CLIP1: variants seen among roughly 807,000 people sequenced by gnomAD.
CLIP1 encodes CAP-Gly domain containing linker protein 1.
A neutral mutation model predicts 161.6 loss-of-function variants in CLIP1; 66 were observed. The observed-to-expected ratio is 0.41, with a 90% CI of 0.33 to 0.50. The LOEUF is 0.50. Among genes scored for constraint, CLIP1 ranks in the 20% least tolerant of loss-of-function variants. CLIP1 has a pLI of 0.27. For missense variants in CLIP1, 1,376 were observed against 1,702.0 expected, an observed-to-expected ratio of 0.81 and a Z score of 3.37; for synonymous variants, 598 against 626.2, an observed-to-expected ratio of 0.96 and a Z score of 0.67.
chr12:122,348,456 C>CTT (rs1593127113), intron 9 of CLIP1, among the ~76,000 whole-genome samples: 1 of 152,182 alleles, frequency 6.6e-6, no homozygotes, highest in East Asian at 1.9e-4. Flanking sequence ...AGTTTGAGCT[C>CTT]TCTCAAAAAG....
intron 15 of CLIP1, 30 bp from the exon 16 acceptor site, chr12:122,328,456 A>C: frequency 7.3e-7 from 1 of 1,377,408 alleles, no homozygotes; most frequent in Non-Finnish European, 9.8e-7. Flanking sequence ...AAGGTGTCAG[A>C]TTTTTCATAA....
intron 7 of CLIP1, among the ~76,000 whole-genome samples, chr12:122,353,050 A>C (rs1351945070): frequency 6.6e-6 from 1 of 151,994 alleles, no homozygotes; most frequent in African/African-American, 2.4e-5. Flanking sequence ...GCAGACAGCC[A>C]CCAGAAATGC....
chr12:122,278,095 A>T, intron 24 of CLIP1, 59 bp downstream of exon 24: 1 of 1,495,622 alleles, frequency 6.7e-7, no homozygotes. Flanking sequence ...AAATAAACGA[A>T]AAGATTCAAT....
intron 15 of CLIP1, among the ~76,000 whole-genome samples, chr12:122,331,091 C>T (rs1593085859): frequency 1.3e-5 from 2 of 151,024 alleles, no homozygotes; most frequent in Admixed American, 6.6e-5. Flanking sequence ...CTCAGCTCAC[C>T]GCAACCTCCA....
At chr12:122,341,762 CTTT>C (rs57202144) in intron 10 of CLIP1, 65 bp from the exon 11 acceptor site, 40 of 98,624 alleles carry the variant, frequency 4.1e-4, no homozygotes, top group East Asian at 5.2e-4. Context: ...ATTTTCTTTT[CTTT>C]TTTTTTTTTT....
intron 21 of CLIP1, among the ~76,000 whole-genome samples, chr12:122,287,582 C>T (rs149818155): frequency 2.0e-5 from 3 of 152,170 alleles, no homozygotes; most frequent in Non-Finnish European, 4.4e-5. Context: ...CCGTGTAGCA[C>T]AGACATTCTC....
chr12:122,302,737 C>T (rs1022370746), intron 20 of CLIP1, among the ~76,000 whole-genome samples: 2 of 152,116 alleles, frequency 1.3e-5, no homozygotes, highest in Non-Finnish European at 2.9e-5. Flanking sequence ...ACTGGGATTA[C>T]AGGCAGGCAC....
At chr12:122,346,498 T>TTTTTG (rs1049283133) in intron 10 of CLIP1, among the ~76,000 whole-genome samples, 1 of 152,094 alleles carries the variant, frequency 6.6e-6, no homozygotes, top group Admixed American at 6.5e-5. Flanking sequence ...ACTGAGGGTT[T>TTTTTG]TTTTGTTTTG....
Position 122,380,559 on chromosome 12 carries a change from C to A in CLIP1, c.-106-1G>T. The A allele has an allele frequency of 1.7e-6, 1 of 591,808 alleles. No homozygotes were observed. The highest frequency in any genetic ancestry group is 2.5e-5 in the South Asian group (1 of 39,714). 36.7% of individuals were successfully genotyped at this position (591,808 alleles called of 1,614,324 possible). ...AGTGAAGTCAGTCTCTGGATTAAAT[C>A]TGCAAAGAGAAAGAAATAAAAAGAT... On this transcript the variant is annotated splice_acceptor_variant, in intron 1 of 25. Transcript: ENST00000620786. LOFTEE classifies it low-confidence loss of function (5UTR_SPLICE).
chr12:122,410,251 T>C (rs777732644), intron 1 of CLIP1, among the ~76,000 whole-genome samples: 21 of 152,100 alleles, frequency 1.4e-4, no homozygotes, highest in Non-Finnish European at 2.9e-4. Flanking sequence ...TTTACTCAAC[T>C]TTCCCAGTGT....
chr12:122,326,318 T>C (rs1951709746), intron 17 of CLIP1, among the ~76,000 whole-genome samples: 1 of 151,916 alleles, frequency 6.6e-6, no homozygotes, highest in South Asian at 2.1e-4. Flanking sequence ...GAATGGTGGC[T>C]CACGCCTGCA....
rs993293009 is a variant in CLIP1, at chr12:122,311,798, C to T, written c.3474-1916G>A. ...TTAATCCTCAAAGCCCAAGGAGGCT[C>T]ATGTCATTTATGTTTTAATGAGAAG... is the stretch of plus-strand genomic sequence containing the variant. On this transcript the variant is annotated intron_variant, in intron 19 of 25. Transcript: ENST00000620786. The surrounding 1 kb of genome is among the most constrained non-coding windows in gnomAD (Gnocchi z 4.3). Among the ~76,000 whole-genome samples the T allele has an allele frequency of 2.6e-5, 4 of 152,150 alleles. No individual in the cohort carries two copies. The highest frequency in any genetic ancestry group is 2.6e-4 in the Admixed American group (4 of 15,280).
chr12:122,301,461 G>T (rs1364489792), intron 20 of CLIP1, among the ~76,000 whole-genome samples: 1 of 152,188 alleles, frequency 6.6e-6, no homozygotes, highest in Admixed American at 6.5e-5. Context: ...CCTTCAGGAG[G>T]TCAGGATTTT....
intron 1 of CLIP1, among the ~76,000 whole-genome samples, chr12:122,390,802 A>T (rs537569618): frequency 1.3e-5 from 2 of 152,186 alleles, no homozygotes; most frequent in East Asian, 3.9e-4. Flanking sequence ...TGAAAAAAAA[A>T]AAAGAATAAA....
In CLIP1 at chr12:122,279,084, T is replaced by C. The variant is rs1566069686; in HGVS notation, c.3709A>G (p.Ile1237Val). Reference sequence around the variant, plus strand: ...TTTTCTGTGAGTAAGGCACTAGTTATACTGATGGATTTCTGCAAGGAAGCT... The same window carrying C: ...TTTTCTGTGAGTAAGGCACTAGTTACACTGATGGATTTCTGCAAGGAAGCT... ...EKASLQKSIS[I>V]TSALLTEKDA... Residue 1237 changes from isoleucine (I) to valine (V), a missense_variant, in exon 22 of 26, where the codon ATA (isoleucine) becomes GTA (valine). By Grantham distance (29) the Ile-to-Val change is conservative. This residue lies in a region of CLIP1 where 948 missense variants were observed against 1,134.8 expected (regional missense o/e 0.84). Coordinates refer to ENST00000620786, the MANE Select transcript of CLIP1 (RefSeq NM_001247997.2). This position sits in a 1 kb window ranked among gnomAD's most constrained non-coding sequence, Gnocchi z 4.5. 1 of 1,613,470 alleles carries C rather than the reference T, an allele frequency of 6.2e-7. No homozygotes were observed. The highest frequency in any genetic ancestry group is 1.1e-5 in the South Asian group (1 of 90,886).
In CLIP1 at chr12:122,377,452, G is replaced by T; in HGVS notation, c.594C>A (p.Asn198Lys). 1 of 1,614,134 alleles carries T rather than the reference G, an allele frequency of 6.2e-7. No homozygotes were observed. The highest frequency in any genetic ancestry group is 8.5e-7 in the Non-Finnish European group (1 of 1,180,030). Residue 198 changes from asparagine to lysine, a missense_variant, in exon 3 of 26, where the codon AAC becomes AAA. Asn to Lys is a moderately conservative substitution (Grantham distance 94). Transcript: ENST00000620786. Reference sequence around the variant, plus strand: ...TCTTGATTGAGCCAGCCTCTGAAAGGTTGGAGATAGATTCACTGGCAGTTT... The same window carrying T: ...TCTTGATTGAGCCAGCCTCTGAAAGTTTGGAGATAGATTCACTGGCAGTTT... ...LTKTASESISNLSEAGSIKKG... is the reference protein window; with the variant it reads ...LTKTASESISKLSEAGSIKKG...
At chr12:122,384,154 G>C (rs543618765) in intron 1 of CLIP1, among the ~76,000 whole-genome samples, 3 of 152,272 alleles carry the variant, frequency 2.0e-5, no homozygotes, top group South Asian at 4.1e-4. Context: ...TTCATCACCT[G>C]TCTCCTAAGG....
At chr12:122,387,577 TA>T (rs1955365821) in intron 1 of CLIP1, among the ~76,000 whole-genome samples, 11 of 4,188 alleles carry the variant, frequency 2.6e-3, no homozygotes, top group African/African-American at 4.8e-3. Context: ...TATATATATA[TA>T]TATATATATA....
chr12:122,374,755 C>T lies in CLIP1; in HGVS notation c.657+2634G>A, dbSNP rs560189699. ...CTAGCCTGGGCAACAGAGCGAGACT[C>T]TGTCTCCAAAAATAAAAAAAAAGAG... On this transcript the variant is annotated intron_variant, in intron 3 of 25. Coordinates refer to ENST00000620786, the MANE Select transcript of CLIP1 (RefSeq NM_001247997.2). Among the ~76,000 whole-genome samples the T allele has an allele frequency of 2.0e-5, 3 of 152,216 alleles. No individual in the cohort carries two copies. The East Asian group carries it at 5.8e-4, about 29-fold the overall frequency.
Sources: allele counts gnomAD v4.1 joint callset (sites outside exome capture counted in the v4.1 genomes callset), GRCh38; gene constraint gnomAD v4.1.1; regional missense constraint gnomAD v4.1.1; non-coding constraint Gnocchi (gnomAD v3.1); transcripts MANE v1.5; gene names NCBI Gene and HGNC (gene_info 2026-07-23, HGNC 2026-07-21).